Variants in RIMS1 observed in about 807,000 individuals in gnomAD.
RIMS1 encodes the protein regulating synaptic membrane exocytosis 1.
In RIMS1, 83 loss-of-function variants were observed where a neutral mutation model predicts 214.1. The ratio of observed to expected loss-of-function variants is 0.39; its 90% CI spans 0.32 to 0.47. The LOEUF (loss-of-function observed/expected upper bound fraction) is 0.47, where lower values mean the gene tolerates loss of function less well. Ranked by LOEUF, RIMS1 falls within the 20% of genes least tolerant of loss-of-function variation. The pLI is 0.99. For missense variants in RIMS1, 2,050 were observed against 2,161.8 expected, an observed-to-expected ratio of 0.95 and a Z score of 1.03; for synonymous variants, 793 against 786.8, an observed-to-expected ratio of 1.01 and a Z score of -0.13.
At chr6:72,357,405 G>T (rs1043424716) in intron 29 of RIMS1, among the ~76,000 whole-genome samples, 2 of 152,174 alleles carry the variant, frequency 1.3e-5, no homozygotes, top group African/African-American at 4.8e-5. Flanking sequence ...CCTGGGATAG[G>T]AATATTTTAT....
At chr6:72,119,053 A>G (rs1045250919) in intron 4 of RIMS1, among the ~76,000 whole-genome samples, 3 of 151,792 alleles carry the variant, frequency 2.0e-5, no homozygotes, top group Non-Finnish European at 2.9e-5. Context: ...CGCCAATGAT[A>G]TGATTGTATA....
chr6:72,082,957 T>C (rs1833772642), intron 2 of RIMS1, among the ~76,000 whole-genome samples: 1 of 152,174 alleles, frequency 6.6e-6, no homozygotes. Context: ...CCATTGATGT[T>C]TTAAAGGAAT....
intron 19 of RIMS1, chr6:72,262,745 A>G: frequency 1.3e-6 from 1 of 750,248 alleles, no homozygotes; most frequent in Admixed American, 6.3e-5. Context: ...GGTTTCATAT[A>G]AACTATGGAC....
intron 1 of RIMS1, among the ~76,000 whole-genome samples, chr6:71,963,209 TG>T (rs1793467023): frequency 1.3e-5 from 2 of 152,176 alleles, no homozygotes; most frequent in African/African-American, 4.8e-5. Context: ...CTGCCTGGAA[TG>T]GTGGAAAGGA....
intron 1 of RIMS1, among the ~76,000 whole-genome samples, chr6:71,951,705 C>T (rs1789635997): frequency 6.6e-6 from 1 of 151,046 alleles, no homozygotes; most frequent in Admixed American, 6.6e-5. Flanking sequence ...TTCTGTGTTG[C>T]CCAAGCTGGT....
chr6:72,019,548 G>A (rs546337752), intron 2 of RIMS1, among the ~76,000 whole-genome samples: 101 of 152,334 alleles, frequency 6.6e-4, no homozygotes, highest in Admixed American at 1.5e-3. Context: ...ATTTGTGATA[G>A]AGATAATGCA....
chr6:71,932,741 G>A (rs1287488797), intron 1 of RIMS1, among the ~76,000 whole-genome samples: 1 of 152,148 alleles, frequency 6.6e-6, no homozygotes, highest in East Asian at 1.9e-4. Context: ...CTCCAGAGCA[G>A]CTGGAACTAT....
intron 23 of RIMS1, 28 bp from the exon 24 acceptor site, chr6:72,284,019 A>G: frequency 6.4e-7 from 1 of 1,562,830 alleles, no homozygotes; most frequent in Non-Finnish European, 8.8e-7. Context: ...TTCATCATAT[A>G]TTTTGTGTTT....
At chr6:72,276,335 C>T (rs2086386565) in intron 23 of RIMS1, among the ~76,000 whole-genome samples, 1 of 152,100 alleles carries the variant, frequency 6.6e-6, no homozygotes, top group Non-Finnish European at 1.5e-5. Flanking sequence ...GAAAATTAAA[C>T]ATGATGATCT....
chr6:72,153,749 A>G (rs1404463223), intron 4 of RIMS1, among the ~76,000 whole-genome samples: 3 of 152,166 alleles, frequency 2.0e-5, no homozygotes, highest in African/African-American at 2.4e-5. Flanking sequence ...AACTAATTTG[A>G]TTGGGTCTGC....
Position 72,242,322 on chromosome 6 carries a change from G to A in RIMS1, c.1966G>A (p.Val656Ile). The stretch of plus-strand genomic sequence containing the variant: ...TTTTTTTTAAATTCAAGGGGATGAA[G>A]TTCTAGAATGGAATGGTAAACCCCT... ...VVGHLRAGDE[V>I]LEWNGKPLPG... Residue 656 changes from valine (V) to isoleucine (I), a missense_variant, in exon 10 of 34, where the codon GTT becomes ATT. Around this residue, in one of 6 missense-constraint regions of RIMS1, gnomAD observed 111 missense variants for 166.2 expected, o/e 0.67. Transcript: ENST00000521978. The A allele has an allele frequency of 6.4e-7, 1 of 1,560,406 alleles. No homozygotes were observed. Among genetic ancestry groups the A allele is most frequent in the African/African-American group, 1.4e-5 (1 of 73,460 alleles).
At chr6:71,899,391 A>G (rs1387263239) in intron 1 of RIMS1, among the ~76,000 whole-genome samples, 2 of 151,980 alleles carry the variant, frequency 1.3e-5, no homozygotes, top group Non-Finnish European at 2.9e-5. Context: ...GACTTCAATT[A>G]CTGTGGGTCA....
At chr6:72,053,658 G>A (rs1319632758) in intron 2 of RIMS1, among the ~76,000 whole-genome samples, 2 of 152,110 alleles carry the variant, frequency 1.3e-5, no homozygotes, top group African/African-American at 2.4e-5. Flanking sequence ...TCCTGGAAAT[G>A]AAACCTATTT....
intron 1 of RIMS1, among the ~76,000 whole-genome samples, chr6:71,921,834 C>T (rs773024736): frequency 2.0e-5 from 3 of 152,132 alleles, no homozygotes; most frequent in East Asian, 1.9e-4. Flanking sequence ...AAACTGGCCA[C>T]CACATCTTGA....
At chr6:72,047,567 GC>G (rs1823412842) in intron 2 of RIMS1, among the ~76,000 whole-genome samples, 1 of 152,138 alleles carries the variant, frequency 6.6e-6, no homozygotes, top group South Asian at 2.1e-4. Flanking sequence ...CAGAGAAACA[GC>G]TTCTAAAGCA....
chr6:72,339,816 G>C (rs2096986028), intron 29 of RIMS1, among the ~76,000 whole-genome samples: 1 of 151,876 alleles, frequency 6.6e-6, no homozygotes, highest in South Asian at 2.1e-4. Flanking sequence ...GGGATGGCTG[G>C]GTCAAATGGT....
At chr6:72,374,041 A>G (rs1277406286) in intron 29 of RIMS1, among the ~76,000 whole-genome samples, 1 of 151,954 alleles carries the variant, frequency 6.6e-6, no homozygotes, top group African/African-American at 2.4e-5. Flanking sequence ...CAGCCTCCCA[A>G]GTAGCTGTGA....
chr6:72,376,671 C>T (rs2098390259), intron 29 of RIMS1, among the ~76,000 whole-genome samples: 1 of 151,348 alleles, frequency 6.6e-6, no homozygotes, highest in East Asian at 1.9e-4. Context: ...GACTAGAGCC[C>T]AGGAGGCAGA....
At chr6:72,249,780 A>C (rs996009939) in intron 12 of RIMS1, among the ~76,000 whole-genome samples, 3 of 152,168 alleles carry the variant, frequency 2.0e-5, no homozygotes, top group Admixed American at 2.0e-4. Flanking sequence ...AAAAAATAAA[A>C]AAATAAGTGA....
Sources: gnomAD v4.1 joint callset for allele counts (sites outside exome capture counted in the v4.1 genomes callset) on GRCh38, gnomAD v4.1.1 for gene constraint, gnomAD v4.1.1 regional missense constraint, MANE v1.5 for transcripts, NCBI Gene and HGNC (gene_info 2026-07-23, HGNC 2026-07-21) for gene names.